Variants in ZFYVE1 observed in about 807,000 individuals in gnomAD.
ZFYVE1 encodes the protein zinc finger FYVE-type containing 1.
A neutral mutation model predicts 74.4 loss-of-function variants in ZFYVE1; 30 were observed. That is an observed-to-expected ratio of 0.40 (90% confidence interval 0.30 to 0.55). ZFYVE1 has a LOEUF of 0.55. Among genes scored for constraint, ZFYVE1 ranks in the 20% least tolerant of loss-of-function variants. The pLI is 0.42. For synonymous variants in ZFYVE1, 335 were observed against 385.1 expected, an observed-to-expected ratio of 0.87 and a Z score of 1.52; for missense variants, 703 against 1,011.6, an observed-to-expected ratio of 0.69 and a Z score of 4.14.
intron 2 of ZFYVE1, among the ~76,000 whole-genome samples, 181 bp downstream of exon 2, chr14:73,023,839 TAAAGTA>T (rs922639169): frequency 1.3e-5 from 2 of 152,126 alleles, no homozygotes; most frequent in Admixed American, 1.3e-4. Flanking sequence ...CTCAGAAAAG[TAAAGTA>T]ATTCGGCCAG....
chr14:73,009,364 T>C (rs1024686844), intron 2 of ZFYVE1, among the ~76,000 whole-genome samples: 2 of 152,222 alleles, frequency 1.3e-5, no homozygotes, highest in African/African-American at 4.8e-5. Context: ...GAATAACTTG[T>C]AGTAAATGCT....
chr14:72,975,453 T>G lies in ZFYVE1; in HGVS notation c.1806+98A>C. 1 of 1,455,736 alleles carries G rather than the reference T, an allele frequency of 6.9e-7. No individual in the cohort carries two copies. The highest frequency in any genetic ancestry group is 2.4e-5 in the Admixed American group (1 of 41,828). The allele number at this position is 1,455,736 out of a possible 1,614,324, so 90.2% of individuals were successfully genotyped here. A position where few individuals can be genotyped will look rare whatever the true frequency, so the allele number is the denominator to read the frequency against. The stretch of plus-strand genomic sequence containing the variant: ...GAGCTCACTGCACTGGCAGAAAATG[T>G]TTGCGTCTCCCTCACAGAACAAGCT... On this transcript the variant is annotated intron_variant, in intron 9 of 11. Transcript: ENST00000556143. The surrounding 1 kb of genome is among the most constrained non-coding windows in gnomAD (Gnocchi z 4.1).
chr14:72,993,395 G>T, intron 3 of ZFYVE1, 38 bp from the exon 4 acceptor site: 1 of 1,467,448 alleles, frequency 6.8e-7, no homozygotes, highest in South Asian at 1.3e-5. Context: ...GGTAGTGAGT[G>T]ACATTTAAAA....
intron 8 of ZFYVE1, among the ~76,000 whole-genome samples, chr14:72,977,085 T>C (rs1421461610): frequency 6.6e-6 from 1 of 152,210 alleles, no homozygotes; most frequent in Non-Finnish European, 1.5e-5. Flanking sequence ...CAGATTTGTA[T>C]TTCTGACATC....
rs1893156954 is a variant in ZFYVE1, at chr14:72,975,895, G to A, written c.1636-174C>T. 4.3e-6 allele frequency: 3 copies of A among 691,924 alleles called. No homozygotes were observed. The highest frequency in any genetic ancestry group is 7.1e-6 in the Non-Finnish European group (3 of 422,704). The allele number at this position is 691,924 out of a possible 1,614,324, so 42.9% of individuals were successfully genotyped here. A position where few individuals can be genotyped will look rare whatever the true frequency, so the allele number is the denominator to read the frequency against. ...CCTCTGGCTTTATTCTCTTCAAAGT[G>A]ACCATAAGACTTGATGTGTAGCTGT... On this transcript the variant is annotated intron_variant, in intron 8 of 11. Coordinates refer to ENST00000556143, the MANE Select transcript of ZFYVE1 (RefSeq NM_021260.4). This position sits in a 1 kb window ranked among gnomAD's most constrained non-coding sequence, Gnocchi z 4.1.
chr14:72,979,269 G>A (rs893306755), intron 5 of ZFYVE1: 4 of 311,736 alleles, frequency 1.3e-5, no homozygotes, highest in Admixed American at 3.9e-5. Flanking sequence ...GGAGGCCGAC[G>A]GGGGCAGATC....
chr14:73,010,492 T>G (rs1408658651), intron 2 of ZFYVE1, among the ~76,000 whole-genome samples: 1 of 151,926 alleles, frequency 6.6e-6, no homozygotes, highest in Non-Finnish European at 1.5e-5. Context: ...TCCCAGCTAC[T>G]CAGGAGGCTG....
At chr14:73,023,165 AATAT>A (rs772492397) in intron 2 of ZFYVE1, among the ~76,000 whole-genome samples, 251 of 944 alleles carry the variant, frequency 0.27, 8 homozygotes, top group East Asian at 0.53. Flanking sequence ...CATCTCAAAA[AATAT>A]ATATATATAT....
At chr14:73,009,525 G>A (rs193181981) in intron 2 of ZFYVE1, among the ~76,000 whole-genome samples, 6 of 152,362 alleles carry the variant, frequency 3.9e-5, no homozygotes, top group Non-Finnish European at 1.5e-5. Context: ...GGGAGGCCGA[G>A]GCGGGAGGAT....
rs34995252 is a variant in ZFYVE1, at chr14:72,988,175, A to ATTT, written c.1203+4965_1203+4967dup. 4.6e-3 allele frequency among the ~76,000 whole-genome samples: 650 copies of ATTT among 140,022 alleles called. 13 individuals carry two copies. The highest frequency in any genetic ancestry group is 0.015 in the African/African-American group (559 of 37,614). The allele number at this position is 140,022 out of a possible 152,430, so 91.9% of individuals were successfully genotyped here. A position where few individuals can be genotyped will look rare whatever the true frequency, so the allele number is the denominator to read the frequency against. ...TCAAAAATAAGATAGGGCTAACAACATTTTTTTTTTTTTTTTTGAGACAGA... is the reference window on the plus strand; with the variant it reads ...TCAAAAATAAGATAGGGCTAACAACATTTTTTTTTTTTTTTTTTTTGAGACAGA... On this transcript the variant is annotated intron_variant, in intron 4 of 11. Transcript: ENST00000556143.
At chr14:73,000,411 G>A (rs1223541568) in intron 2 of ZFYVE1, among the ~76,000 whole-genome samples, 1 of 152,094 alleles carries the variant, frequency 6.6e-6, no homozygotes, top group Non-Finnish European at 1.5e-5. Flanking sequence ...AGACCAGCCT[G>A]GCCAACATGG....
At chr14:73,016,109 A>T (rs989176585) in intron 2 of ZFYVE1, among the ~76,000 whole-genome samples, 21 of 152,330 alleles carry the variant, frequency 1.4e-4, no homozygotes, top group Non-Finnish European at 2.6e-4. Context: ...TCTAACTACC[A>T]GAAATCTTAT....
intron 2 of ZFYVE1, among the ~76,000 whole-genome samples, chr14:73,013,069 T>C (rs189972766): frequency 6.6e-6 from 1 of 152,160 alleles, no homozygotes; most frequent in East Asian, 1.9e-4. Context: ...TTCTAACATC[T>C]AGGGTCAAAT....
At chr14:73,009,481 GC>G (rs1358814028) in intron 2 of ZFYVE1, among the ~76,000 whole-genome samples, 10 of 152,230 alleles carry the variant, frequency 6.6e-5, no homozygotes, top group African/African-American at 2.4e-4. Flanking sequence ...GGGAGGCTGG[GC>G]GCGGAGGCTC....
intron 2 of ZFYVE1, among the ~76,000 whole-genome samples, chr14:73,017,817 C>T (rs1274834015): frequency 6.6e-6 from 1 of 152,180 alleles, no homozygotes; most frequent in Non-Finnish European, 1.5e-5. Flanking sequence ...CAGTCACTAC[C>T]ATCTAGTCTA....
At chr14:73,002,084 G>T (rs906026213) in intron 2 of ZFYVE1, among the ~76,000 whole-genome samples, 3 of 152,056 alleles carry the variant, frequency 2.0e-5, no homozygotes, top group Admixed American at 6.6e-5. Flanking sequence ...ACACTACTGG[G>T]GTAACAACAA....
chr14:72,982,409 A>T (rs1567348426), intron 4 of ZFYVE1, among the ~76,000 whole-genome samples: 1 of 151,982 alleles, frequency 6.6e-6, no homozygotes, highest in African/African-American at 2.4e-5. Context: ...AAAGAAGAAG[A>T]ATTATTATAG....
chr14:73,021,240 C>T (rs988813953), intron 2 of ZFYVE1, among the ~76,000 whole-genome samples: 1 of 152,012 alleles, frequency 6.6e-6, no homozygotes, highest in African/African-American at 2.4e-5. Flanking sequence ...TCCAGCTACT[C>T]AGGAGGCTGA....
At chr14:72,992,306 G>A (rs1893631934) in intron 4 of ZFYVE1, among the ~76,000 whole-genome samples, 2 of 152,122 alleles carry the variant, frequency 1.3e-5, no homozygotes, top group Admixed American at 6.5e-5. Context: ...GATTTTATTT[G>A]TTGAGAGGCA....
Sources: gnomAD v4.1 joint callset for allele counts (sites outside exome capture counted in the v4.1 genomes callset) on GRCh38, gnomAD v4.1.1 for gene constraint, Gnocchi (gnomAD v3.1) non-coding constraint, MANE v1.5 for transcripts, NCBI Gene and HGNC (gene_info 2026-07-23, HGNC 2026-07-21) for gene names.